CNTN1: variants seen among roughly 807,000 people sequenced by gnomAD.
CNTN1 encodes contactin-1.
A neutral mutation model predicts 126.4 loss-of-function variants in CNTN1; 38 were observed. The ratio of observed to expected loss-of-function variants is 0.30; its 90% CI spans 0.23 to 0.39. The LOEUF (loss-of-function observed/expected upper bound fraction) is 0.39, where lower values mean the gene tolerates loss of function less well. CNTN1 is among the 10% of genes least tolerant of loss of function. The pLI, the probability that CNTN1 is intolerant of heterozygous loss-of-function variation, is 1.00. For missense variants in CNTN1, 1,009 were observed against 1,248.4 expected, an observed-to-expected ratio of 0.81 and a Z score of 2.89; for synonymous variants, 413 against 422.6, an observed-to-expected ratio of 0.98 and a Z score of 0.28.
At chr12:40,818,011 A>G (rs1941314211) in intron 1 of CNTN1, among the ~76,000 whole-genome samples, 1 of 152,092 alleles carries the variant, frequency 6.6e-6, no homozygotes, top group South Asian at 2.1e-4. Context: ...TCTGGCTTGT[A>G]GACTTTCTTC....
chr12:40,716,405 C>T (rs1942050193), intron 1 of CNTN1, among the ~76,000 whole-genome samples: 1 of 151,732 alleles, frequency 6.6e-6, no homozygotes, highest in African/African-American at 2.4e-5. Context: ...TCCTCCTTCT[C>T]CTTCTCCTCC....
chr12:40,908,760 A>G (rs561654637), intron 2 of CNTN1, among the ~76,000 whole-genome samples: 7 of 152,142 alleles, frequency 4.6e-5, no homozygotes, highest in East Asian at 1.9e-4. Context: ...GCATTTGTCT[A>G]TTACTGGGGA....
chr12:40,805,357 A>G (rs139050673), intron 1 of CNTN1, among the ~76,000 whole-genome samples: 1 of 151,400 alleles, frequency 6.6e-6, no homozygotes, highest in African/African-American at 2.4e-5. Context: ...TCTCCCCATC[A>G]TTTTTCCTTT....
chr12:40,801,175 G>C (rs1940639230), intron 1 of CNTN1, among the ~76,000 whole-genome samples: 1 of 151,914 alleles, frequency 6.6e-6, no homozygotes. Flanking sequence ...AAGCATCTCA[G>C]TTCTAGATGG....
chr12:40,969,109 G>A (rs1215403396), intron 15 of CNTN1, among the ~76,000 whole-genome samples: 1 of 151,996 alleles, frequency 6.6e-6, no homozygotes, highest in African/African-American at 2.4e-5. Context: ...AAAACTTAAC[G>A]ACGTAAAATC....
chr12:40,925,853 T>C (rs1360009283), intron 6 of CNTN1, among the ~76,000 whole-genome samples: 1 of 139,966 alleles, frequency 7.1e-6, no homozygotes, highest in East Asian at 2.0e-4. Flanking sequence ...TGTATATATA[T>C]ATATATATAT....
At position 41,070,240 on chromosome 12, in the gene CNTN1, T is replaced by C. The variant is rs1592495193; in HGVS notation, c.*205T>C. On this transcript the variant is annotated 3_prime_UTR_variant, in exon 24 of 24. Coordinates refer to ENST00000551295, the MANE Select transcript of CNTN1 (RefSeq NM_001843.4). The stretch of plus-strand genomic sequence containing the variant: ...CCAAAAGAATAAACTTTTAAATGGA[T>C]ATAAATGATTTTTAACTCGTTCCAA... The C allele has an allele frequency of 1.7e-6, 1 of 600,106 alleles. No homozygotes were observed. The highest frequency in any genetic ancestry group is 3.0e-6 in the Non-Finnish European group (1 of 336,404). The allele number at this position is 600,106 out of a possible 1,614,324, so 37.2% of individuals were successfully genotyped here.
At chr12:40,840,327 G>A (rs1172270361) in intron 1 of CNTN1, among the ~76,000 whole-genome samples, 1 of 151,782 alleles carries the variant, frequency 6.6e-6, no homozygotes, top group Admixed American at 6.6e-5. Flanking sequence ...CTCAACACTG[G>A]AGTACCCAGA....
intron 1 of CNTN1, among the ~76,000 whole-genome samples, chr12:40,821,491 C>T (rs551233816): frequency 2.6e-5 from 4 of 152,114 alleles, no homozygotes; most frequent in African/African-American, 9.7e-5. Flanking sequence ...TTCAATTATA[C>T]TTGTAACCAT....
intron 1 of CNTN1, among the ~76,000 whole-genome samples, chr12:40,705,400 C>T (rs1941712008): frequency 6.6e-6 from 1 of 152,114 alleles, no homozygotes; most frequent in Non-Finnish European, 1.5e-5. Context: ...TCATAAACTT[C>T]CTTGTGTTTG....
In CNTN1 at chr12:41,070,362, G is replaced by GT. The variant is rs1950136168; in HGVS notation, c.*327_*328insT. The GT allele has an allele frequency of 5.2e-6, 2 of 381,864 alleles. No homozygotes were observed. Among genetic ancestry groups the GT allele is most frequent in the African/African-American group, 2.1e-5 (1 of 48,410 alleles). The allele number at this position is 381,864 out of a possible 1,614,324, so 23.7% of individuals were successfully genotyped here. ...GTTCAATTCAATACTATAGGCTGTAGAGTGAAAGTCAAATCACCATATACA... is the reference window on the plus strand; with the variant it reads ...GTTCAATTCAATACTATAGGCTGTAGTAGTGAAAGTCAAATCACCATATACA... On this transcript the variant is annotated 3_prime_UTR_variant, in exon 24 of 24. Coordinates refer to ENST00000551295, the MANE Select transcript of CNTN1 (RefSeq NM_001843.4).
At chr12:41,027,577 G>A (rs975029516) in intron 21 of CNTN1, among the ~76,000 whole-genome samples, 6 of 152,146 alleles carry the variant, frequency 3.9e-5, no homozygotes, top group Non-Finnish European at 7.4e-5. Flanking sequence ...TGATGACCTT[G>A]CAAATAGCAA....
intron 14 of CNTN1, among the ~76,000 whole-genome samples, chr12:40,948,174 G>A (rs1946505051): frequency 2.6e-5 from 4 of 151,216 alleles, no homozygotes; most frequent in African/African-American, 7.3e-5. Context: ...AAGTATATAA[G>A]TGGTTATTAA....
chr12:40,928,885 G>A (rs939280690), intron 6 of CNTN1, among the ~76,000 whole-genome samples: 10 of 152,066 alleles, frequency 6.6e-5, no homozygotes, highest in Middle Eastern at 3.4e-3. Flanking sequence ...TGAGTGCTGT[G>A]ATTTCTTGGT....
At chr12:40,858,748 C>T (rs575506663) in intron 1 of CNTN1, among the ~76,000 whole-genome samples, 1 of 152,194 alleles carries the variant, frequency 6.6e-6, no homozygotes, top group South Asian at 2.1e-4. Context: ...CAGTGATAGA[C>T]TGGATAAAGA....
intron 1 of CNTN1, among the ~76,000 whole-genome samples, chr12:40,879,857 T>C (rs1184782305): frequency 6.6e-6 from 1 of 152,062 alleles, no homozygotes; most frequent in African/African-American, 2.4e-5. Context: ...CTGTTGGGCA[T>C]TTAGAAATTT....
rs1177837667 is a variant in CNTN1, at chr12:41,069,940, C to G, written c.2981-19C>G. The stretch of plus-strand genomic sequence containing the variant: ...ATGTATCAATGAAATAATATGCACA[C>G]TTTTGGTTTACCTTGCAGGTGCACC... On this transcript the variant is annotated intron_variant, in intron 23 of 23. Transcript: ENST00000551295. 9 of 1,605,420 alleles carry G rather than the reference C, an allele frequency of 5.6e-6. No homozygotes were observed. The highest frequency in any genetic ancestry group is 7.7e-6 in the Non-Finnish European group (9 of 1,172,564).
chr12:41,057,180 A>T (rs1019290467), intron 23 of CNTN1, among the ~76,000 whole-genome samples: 11 of 129,964 alleles, frequency 8.5e-5, no homozygotes, highest in African/African-American at 2.5e-4. Flanking sequence ...TTATATTATA[A>T]ATATTTAGAT....
At chr12:40,700,612 A>G (rs915829521) in intron 1 of CNTN1, among the ~76,000 whole-genome samples, 6 of 152,172 alleles carry the variant, frequency 3.9e-5, no homozygotes, top group African/African-American at 9.7e-5. Flanking sequence ...TTGGCTTAGC[A>G]TATATTCTGT....
Sources: allele counts gnomAD v4.1 joint callset (sites outside exome capture counted in the v4.1 genomes callset), GRCh38; gene constraint gnomAD v4.1.1; transcripts MANE v1.5; gene names NCBI Gene and HGNC (gene_info 2026-07-23, HGNC 2026-07-21).